The following B3GALT1 variants were observed in gnomAD, a reference collection of about 807,000 sequenced individuals.
B3GALT1 encodes UDP-Gal:betaGlcNAc beta 1,3-galactosyltransferase, polypeptide 1.
Under a neutral mutation model 23.2 loss-of-function variants are expected in B3GALT1, and 10 were observed. That is an observed-to-expected ratio of 0.43 (90% CI 0.27 to 0.73). The LOEUF is 0.73. Among genes scored for constraint, B3GALT1 ranks in the 30% least tolerant of loss-of-function variants. B3GALT1 has a pLI of 0.21. For synonymous variants in B3GALT1, 156 were observed against 141.5 expected (o/e 1.10, Z -0.73); for missense variants, 299 against 405.4 (o/e 0.74, Z 2.25).
intron 1 of B3GALT1, among the ~76,000 whole-genome samples, chr2:167,304,625 A>G (rs1163511055): frequency 1.3e-5 from 2 of 151,822 alleles, no homozygotes; most frequent in African/African-American, 4.9e-5. Flanking sequence ...GTGAGCATAC[A>G]GAGAAAAAGA....
chr2:167,725,219 T>C (rs976466339), intron 3 of B3GALT1, among the ~76,000 whole-genome samples: 1 of 152,136 alleles, frequency 6.6e-6, no homozygotes, highest in Admixed American at 6.5e-5. Flanking sequence ...CAACTGTCAA[T>C]TCAAAGCCAT....
intron 2 of B3GALT1, among the ~76,000 whole-genome samples, chr2:167,494,877 A>G (rs1699758367): frequency 1.3e-5 from 2 of 151,460 alleles, no homozygotes; most frequent in Admixed American, 6.5e-5. Flanking sequence ...AAGTAGTTCA[A>G]TTTCTTCAGA....
intron 1 of B3GALT1, among the ~76,000 whole-genome samples, chr2:167,479,345 A>G (rs570094119): frequency 6.6e-6 from 1 of 152,106 alleles, no homozygotes; most frequent in African/African-American, 2.4e-5. Context: ...ATTCAAAAAT[A>G]TGCATGTATA....
At chr2:167,423,022 G>A (rs753059858) in intron 1 of B3GALT1, among the ~76,000 whole-genome samples, 38 of 152,116 alleles carry the variant, frequency 2.5e-4, no homozygotes, top group Non-Finnish European at 5.3e-4. Flanking sequence ...AAAGGAATAT[G>A]AAAATTCCTC....
intron 4 of B3GALT1, among the ~76,000 whole-genome samples, chr2:167,843,707 G>A (rs754034134): frequency 2.0e-5 from 3 of 152,288 alleles, no homozygotes; most frequent in Admixed American, 6.5e-5. Context: ...ACTTAGTGCC[G>A]TTCTGTGTAC....
rs1369112213 is a variant in B3GALT1 at position 167,803,120 on chromosome 2, A to ACACACC, written c.-351-15551_-351-15550insACACCC. Among the ~76,000 whole-genome samples, 71 of 136,632 alleles carry ACACACC rather than the reference A, an allele frequency of 5.2e-4. 1 individual carries two copies. The highest frequency in any genetic ancestry group is 1.8e-3 in the African/African-American group (70 of 38,040). The allele number at this position is 136,632 out of a possible 152,430, so 89.6% of individuals were successfully genotyped here. ...CACACACACACACACACACACACACACCCCTTGGTTGGGCTGGGGAATGGT... is the reference window on the plus strand; with the variant it reads ...CACACACACACACACACACACACACACACACCCCCCTTGGTTGGGCTGGGGAATGGT... On this transcript the variant is annotated intron_variant, in intron 3 of 4. Transcript: ENST00000392690.
intron 3 of B3GALT1, among the ~76,000 whole-genome samples, chr2:167,756,707 C>A (rs1687823944): frequency 6.6e-6 from 1 of 152,146 alleles, no homozygotes; most frequent in Non-Finnish European, 1.5e-5. Flanking sequence ...AACCAGAGAA[C>A]CTCTGCAGAG....
intron 1 of B3GALT1, among the ~76,000 whole-genome samples, chr2:167,370,231 C>A (rs757971728): frequency 6.6e-6 from 1 of 152,040 alleles, no homozygotes; most frequent in African/African-American, 2.4e-5. Flanking sequence ...TTTAGATTCC[C>A]GCCTCTTAAA....
chr2:167,422,826 G>C (rs1422057471), intron 1 of B3GALT1, among the ~76,000 whole-genome samples: 9 of 152,114 alleles, frequency 5.9e-5, no homozygotes. Flanking sequence ...AGGGAGTCAG[G>C]CTTAGGTCAT....
intron 3 of B3GALT1, among the ~76,000 whole-genome samples, chr2:167,712,544 T>G (rs1345943408): frequency 6.6e-6 from 1 of 152,000 alleles, no homozygotes; most frequent in Admixed American, 6.6e-5. Context: ...CTTGAAATGC[T>G]TTAAGTAATG....
rs113669581 is a variant in B3GALT1, at chr2:167,782,113, G to A, written c.-351-36559G>A. 8.1e-4 allele frequency among the ~76,000 whole-genome samples: 124 copies of A among 152,294 alleles called. 1 individual carries two copies. The highest frequency in any genetic ancestry group is 1.6e-3 in the Non-Finnish European group (110 of 68,032). ...GACCAGAAATTGTAATCCTGACAGA[G>A]AGCTGACAGCTAAAACTACAATAGT... On this transcript the variant is annotated intron_variant, in intron 3 of 4. Transcript: ENST00000392690.
intron 1 of B3GALT1, among the ~76,000 whole-genome samples, chr2:167,336,057 A>G (rs1697053779): frequency 6.6e-6 from 1 of 152,050 alleles, no homozygotes; most frequent in Admixed American, 6.6e-5. Flanking sequence ...TTCTTGCTTT[A>G]TCTCAATTAT....
intron 2 of B3GALT1, among the ~76,000 whole-genome samples, chr2:167,607,044 C>A (rs1314721147): frequency 6.6e-6 from 1 of 152,038 alleles, no homozygotes; most frequent in Non-Finnish European, 1.5e-5. Context: ...TGGTATGTAT[C>A]CCTGGATTTA....
At chr2:167,568,311 C>A (rs1230595529) in intron 2 of B3GALT1, among the ~76,000 whole-genome samples, 1 of 152,030 alleles carries the variant, frequency 6.6e-6, no homozygotes, top group Non-Finnish European at 1.5e-5. Context: ...TAAGGACCTG[C>A]CAAACTGTCT....
intron 1 of B3GALT1, among the ~76,000 whole-genome samples, chr2:167,304,642 G>C (rs1696519250): frequency 6.6e-6 from 1 of 151,148 alleles, no homozygotes; most frequent in South Asian, 2.1e-4. Flanking sequence ...AAGAGAGACA[G>C]AGAGAGGAGA....
At chr2:167,555,063 G>T (rs769383946) in intron 2 of B3GALT1, among the ~76,000 whole-genome samples, 2 of 152,134 alleles carry the variant, frequency 1.3e-5, no homozygotes, top group Non-Finnish European at 2.9e-5. Flanking sequence ...GTGTGTAATA[G>T]ACTTATATTT....
chr2:167,436,617 G>C (rs1052501952), intron 1 of B3GALT1, among the ~76,000 whole-genome samples: 2 of 152,040 alleles, frequency 1.3e-5, no homozygotes, highest in Non-Finnish European at 2.9e-5. Context: ...CTAGATCCTA[G>C]AACAGTACAT....
At chr2:167,383,675 T>G (rs557897793) in intron 1 of B3GALT1, among the ~76,000 whole-genome samples, 1 of 152,324 alleles carries the variant, frequency 6.6e-6, no homozygotes, top group South Asian at 2.1e-4. Context: ...TTATGAATGC[T>G]CAATAATTTT....
intron 3 of B3GALT1, chr2:167,714,108 A>G: frequency 6.5e-7 from 1 of 1,529,454 alleles, no homozygotes; most frequent in East Asian, 2.3e-5. Flanking sequence ...GAAGGCATTG[A>G]CCCATCCATT....
Sources: gnomAD v4.1 joint callset for allele counts (sites outside exome capture counted in the v4.1 genomes callset) on GRCh38, gnomAD v4.1.1 for gene constraint, MANE v1.5 for transcripts, NCBI Gene and HGNC (gene_info 2026-07-23, HGNC 2026-07-21) for gene names.